LRRFIP2: variants seen among roughly 807,000 people sequenced by gnomAD.
LRRFIP2 encodes leucine-rich repeat flightless-interacting protein 2.
In LRRFIP2, 109 loss-of-function variants were observed where a neutral mutation model predicts 125.9. That is an observed-to-expected ratio of 0.87 (90% CI 0.74 to 1.01). LRRFIP2 has a LOEUF of 1.01. Ranked by LOEUF, LRRFIP2 falls within the 50% of genes least tolerant of loss-of-function variation. LRRFIP2 has a pLI of 0.00. For synonymous variants in LRRFIP2, 291 were observed against 293.1 expected, an observed-to-expected ratio of 0.99 and a Z score of 0.07; for missense variants, 850 against 862.3, an observed-to-expected ratio of 0.99 and a Z score of 0.18.
intron 2 of LRRFIP2, among the ~76,000 whole-genome samples, chr3:37,129,482 G>A (rs985457274): frequency 1.3e-5 from 2 of 152,026 alleles, no homozygotes; most frequent in African/African-American, 4.8e-5. Flanking sequence ...ATATAAACTA[G>A]AAACTTCAGA....
Position 37,108,706 on chromosome 3 carries a change from A to G in LRRFIP2, c.610-22T>C, listed in dbSNP as rs1461310236. 3.8e-6 allele frequency: 6 copies of G among 1,590,828 alleles called. No individual in the cohort carries two copies. In the African/African-American group the frequency reaches 5.4e-5, roughly 14 times the overall value. ...ATGCCTAAGGAACAAAGGAAATATC[A>G]CTTAGCTATTTAGCTTCAAGGTTGT... On this transcript the variant is annotated intron_variant, in intron 11 of 27. Coordinates refer to ENST00000336686, the MANE Select transcript of LRRFIP2 (RefSeq NM_006309.4).
At chr3:37,081,857 A>AGC (rs1324351017) in intron 19 of LRRFIP2, among the ~76,000 whole-genome samples, 1 of 150,012 alleles carries the variant, frequency 6.7e-6, no homozygotes, top group Non-Finnish European at 1.5e-5. Context: ...ACTCCACTCC[A>AGC]GCCTGGGCTA....
intron 24 of LRRFIP2, among the ~76,000 whole-genome samples, chr3:37,062,928 C>G (rs1241984730): frequency 6.6e-6 from 1 of 152,110 alleles, no homozygotes; most frequent in Non-Finnish European, 1.5e-5. Flanking sequence ...AAGAAAATCT[C>G]CAGATGCCAA....
intron 21 of LRRFIP2, 24 bp downstream of exon 21, chr3:37,072,766 C>T (rs780479536): frequency 1.4e-6 from 2 of 1,471,596 alleles, no homozygotes; most frequent in South Asian, 2.3e-5. Context: ...GAGCTTCTAA[C>T]CAAAGCCCAA....
intron 15 of LRRFIP2, among the ~76,000 whole-genome samples, chr3:37,101,468 C>T (rs1330407359): frequency 6.6e-6 from 1 of 151,758 alleles, no homozygotes; most frequent in Non-Finnish European, 1.5e-5. Flanking sequence ...AATTCGAGAC[C>T]AGCCTGGACA....
At chr3:37,133,187 T>C (rs1011667048) in intron 2 of LRRFIP2, among the ~76,000 whole-genome samples, 3 of 152,222 alleles carry the variant, frequency 2.0e-5, no homozygotes, top group African/African-American at 7.2e-5. Context: ...ATTGCACCAC[T>C]GCACTCCAGC....
intron 19 of LRRFIP2, 52 bp from the exon 20 acceptor site, chr3:37,075,168 T>C (rs374742661): frequency 2.2e-5 from 28 of 1,269,782 alleles, no homozygotes; most frequent in Non-Finnish European, 3.1e-5. Context: ...CACAAGAAAT[T>C]TGAACATACA....
intron 21 of LRRFIP2, chr3:37,067,711 T>C (rs952848704): frequency 1.3e-5 from 2 of 152,226 alleles, no homozygotes; most frequent in Admixed American, 6.5e-5. Flanking sequence ...TTCTCTCTTA[T>C]ACATTATTTT....
At chr3:37,101,083 C>T (rs962123866) in intron 15 of LRRFIP2, among the ~76,000 whole-genome samples, 1 of 151,986 alleles carries the variant, frequency 6.6e-6, no homozygotes, top group Non-Finnish European at 1.5e-5. Flanking sequence ...GTTGGCTGGG[C>T]GCGGTGGCTC....
intron 21 of LRRFIP2, chr3:37,066,711 C>G (rs1259698574): frequency 5.9e-6 from 1 of 170,596 alleles, no homozygotes; most frequent in African/African-American, 2.4e-5. Flanking sequence ...CAAAAAAAAC[C>G]CCACATTTCA....
chr3:37,136,959 G>C (rs868781761), intron 2 of LRRFIP2, among the ~76,000 whole-genome samples: 1 of 95,274 alleles, frequency 1.0e-5, no homozygotes, highest in African/African-American at 4.0e-5. Context: ...TCTTTTTTGG[G>C]GGGGGTGGGG....
intron 19 of LRRFIP2, among the ~76,000 whole-genome samples, chr3:37,080,704 G>A (rs2092565114): frequency 6.6e-6 from 1 of 151,996 alleles, no homozygotes; most frequent in Non-Finnish European, 1.5e-5. Context: ...GACGAAAACG[G>A]AAAAACTTGT....
intron 24 of LRRFIP2, among the ~76,000 whole-genome samples, chr3:37,059,785 CAAA>C (rs78008596): frequency 8.3e-5 from 12 of 144,460 alleles, no homozygotes; most frequent in African/African-American, 1.3e-4. Context: ...GACTCTGTCT[CAAA>C]AAAAAAAAAA....
At chr3:37,120,393 C>A (rs1357927453) in intron 6 of LRRFIP2, among the ~76,000 whole-genome samples, 4 of 152,130 alleles carry the variant, frequency 2.6e-5, no homozygotes, top group South Asian at 2.1e-4. Flanking sequence ...GTGTGAGCCA[C>A]CGTGCCTGGC....
intron 19 of LRRFIP2, among the ~76,000 whole-genome samples, chr3:37,079,527 G>A (rs2092437817): frequency 6.6e-6 from 1 of 152,174 alleles, no homozygotes; most frequent in Non-Finnish European, 1.5e-5. Flanking sequence ...AAGATTGCTT[G>A]AGGCCAGGAG....
At chr3:37,120,704 T>C (rs1221893100) in intron 6 of LRRFIP2, among the ~76,000 whole-genome samples, 1 of 151,996 alleles carries the variant, frequency 6.6e-6, no homozygotes, top group Non-Finnish European at 1.5e-5. Flanking sequence ...GAAAGATCAT[T>C]TTACTGATTA....
intron 23 of LRRFIP2, 83 bp from the exon 24 acceptor site, chr3:37,063,874 A>T (rs1386319398): frequency 2.1e-5 from 19 of 905,708 alleles, no homozygotes; most frequent in African/African-American, 3.3e-5. Context: ...ACTCATAAAC[A>T]GCTAATATTA....
Position 37,108,501 on chromosome 3 carries a change from G to C in LRRFIP2, c.657+136C>G. ...CAATGACTTGATCACAGCTTAGAGA[G>C]TAATTCCAGGTCAGATTAAATGACT... On this transcript the variant is annotated intron_variant, in intron 12 of 27. Coordinates refer to ENST00000336686, the MANE Select transcript of LRRFIP2 (RefSeq NM_006309.4). 4 of 667,798 alleles carry C rather than the reference G, an allele frequency of 6.0e-6. No homozygotes were observed. In the South Asian group the frequency reaches 8.7e-5, roughly 14 times the overall value. 41.4% of individuals were successfully genotyped at this position (667,798 alleles called of 1,614,324 possible).
intron 18 of LRRFIP2, among the ~76,000 whole-genome samples, chr3:37,087,996 C>T (rs1322649428): frequency 6.6e-6 from 1 of 152,158 alleles, no homozygotes; most frequent in Non-Finnish European, 1.5e-5. Context: ...CCATCCCAGA[C>T]CCAATGAATA....
Sources: gnomAD v4.1 joint callset for allele counts (sites outside exome capture counted in the v4.1 genomes callset) on GRCh38, gnomAD v4.1.1 for gene constraint, MANE v1.5 for transcripts, NCBI Gene and HGNC (gene_info 2026-07-23, HGNC 2026-07-21) for gene names.